The following CUX2 variants were observed in gnomAD, a reference collection of about 807,000 sequenced individuals.
The protein encoded by CUX2 is homeobox protein cut-like 2.
A neutral mutation model predicts 144.8 loss-of-function variants in CUX2; 40 were observed. The ratio of observed to expected loss-of-function variants is 0.28; its 90% CI spans 0.21 to 0.36. The LOEUF (loss-of-function observed/expected upper bound fraction) is 0.36. CUX2 is among the 10% of genes least tolerant of loss of function. CUX2 has a pLI of 1.00. For synonymous variants in CUX2, 827 were observed against 875.6 expected, an observed-to-expected ratio of 0.94 and a Z score of 0.98; for missense variants, 1,615 against 1,994.0, an observed-to-expected ratio of 0.81 and a Z score of 3.62.
chr12:111,156,492 G>A (rs1877383629), intron 1 of CUX2, among the ~76,000 whole-genome samples: 1 of 152,170 alleles, frequency 6.6e-6, no homozygotes, highest in South Asian at 2.1e-4. Flanking sequence ...TGAAGGTGAT[G>A]CTCTAAAGAA....
chr12:111,239,269 G>GA (rs979741086), intron 3 of CUX2, among the ~76,000 whole-genome samples: 1 of 151,238 alleles, frequency 6.6e-6, no homozygotes, highest in Admixed American at 6.6e-5. Context: ...ATGTTTAAAA[G>GA]AAAAAAAAAG....
At chr12:111,151,829 C>T (rs979509337) in intron 1 of CUX2, among the ~76,000 whole-genome samples, 1 of 152,128 alleles carries the variant, frequency 6.6e-6, no homozygotes, top group African/African-American at 2.4e-5. Context: ...TGTTTCCAAG[C>T]GACTACTGAT....
rs1215203214 is a variant in CUX2, at chr12:111,320,549, C to G, written c.2540C>G (p.Pro847Arg). Residue 847 changes from proline (P) to arginine (R), a missense_variant, in exon 17 of 22, where the codon CCC (proline) becomes CGC (arginine). By Grantham distance (103) the Pro-to-Arg change is moderately radical. Around this residue, in one of 12 missense-constraint regions of CUX2, gnomAD observed 390 missense variants for 387.1 expected, o/e 1.01. Coordinates refer to ENST00000261726, the MANE Select transcript of CUX2 (RefSeq NM_015267.4). This position sits in a 1 kb window ranked among gnomAD's most constrained non-coding sequence, Gnocchi z 8.1. ...EAAAGAEDEP[P>R]RTGELKAEGA... The stretch of plus-strand genomic sequence containing the variant: ...GCGGCAGGGGCGGAGGACGAACCCC[C>G]CAGGACGGGCGAGCTCAAGGCTGAG... 6.5e-7 allele frequency: 1 copy of G among 1,540,924 alleles called. No individual in the cohort carries two copies. Among genetic ancestry groups the G allele is most frequent in the South Asian group, 1.2e-5 (1 of 84,322 alleles).
chr12:111,301,012 C>T (rs1490025990), intron 9 of CUX2, among the ~76,000 whole-genome samples: 1 of 145,664 alleles, frequency 6.9e-6, no homozygotes, highest in Non-Finnish European at 1.5e-5. Context: ...GCATTCCAGC[C>T]TGGACAACAG....
intron 3 of CUX2, among the ~76,000 whole-genome samples, chr12:111,252,287 T>G (rs191935937): frequency 1.1e-4 from 17 of 152,336 alleles, no homozygotes; most frequent in African/African-American, 4.1e-4. Context: ...GCCCAGCACC[T>G]TCACTTTACA....
chr12:111,318,212 C>A (rs1347641526), intron 16 of CUX2, among the ~76,000 whole-genome samples: 3 of 150,930 alleles, frequency 2.0e-5, no homozygotes, highest in Non-Finnish European at 4.4e-5. Context: ...TAGGCATACA[C>A]CACCATGCCT....
intron 1 of CUX2, among the ~76,000 whole-genome samples, chr12:111,074,669 G>A (rs867756358): frequency 6.6e-6 from 1 of 152,028 alleles, no homozygotes; most frequent in Non-Finnish European, 1.5e-5. Flanking sequence ...GGAGGGAAGT[G>A]GGGGGTTGTG....
At chr12:111,205,396 G>T (rs1880860256) in intron 1 of CUX2, among the ~76,000 whole-genome samples, 2 of 152,108 alleles carry the variant, frequency 1.3e-5, no homozygotes, top group Admixed American at 6.5e-5. Flanking sequence ...TAGGACATTT[G>T]CTCCCACAAA....
chr12:111,262,182 C>T (rs1884160725), intron 3 of CUX2, among the ~76,000 whole-genome samples: 1 of 152,176 alleles, frequency 6.6e-6, no homozygotes, highest in Non-Finnish European at 1.5e-5. Context: ...CCCCACCGGA[C>T]TGTAAGTCCC....
chr12:111,078,274 C>T (rs1871645363), intron 1 of CUX2, among the ~76,000 whole-genome samples: 1 of 152,006 alleles, frequency 6.6e-6, no homozygotes, highest in Non-Finnish European at 1.5e-5. Flanking sequence ...AGGAGCCAGG[C>T]AGGAAAGAAA....
intron 1 of CUX2, among the ~76,000 whole-genome samples, chr12:111,081,036 G>T (rs531941626): frequency 1.3e-5 from 2 of 152,256 alleles, no homozygotes; most frequent in South Asian, 4.1e-4. Context: ...ATAGCTGTCG[G>T]TACAATGAAT....
chr12:111,179,872 C>G (rs1879066181), intron 1 of CUX2, among the ~76,000 whole-genome samples: 1 of 152,156 alleles, frequency 6.6e-6, no homozygotes, highest in African/African-American at 2.4e-5. Context: ...TTAGTAGAGA[C>G]AGGGTTTCGC....
chr12:111,078,860 G>A (rs184607844), intron 1 of CUX2, among the ~76,000 whole-genome samples: 24 of 152,268 alleles, frequency 1.6e-4, no homozygotes, highest in Non-Finnish European at 3.2e-4. Flanking sequence ...TGGCTTAACT[G>A]GGGGAAGCGG....
rs541489544 is a variant in CUX2, at chr12:111,077,425, C to A, written c.63+43185C>A. On this transcript the variant is annotated intron_variant, in intron 1 of 21. Coordinates refer to ENST00000261726, the MANE Select transcript of CUX2 (RefSeq NM_015267.4). The surrounding 1 kb of genome is among the most constrained non-coding windows in gnomAD (Gnocchi z 4.1). ...CCTGAACCCCCTGGACTTCTGCCCC[C>A]CTGGACTGATGGCCTAAATCCATCA... Among the ~76,000 whole-genome samples, 5 of 152,306 alleles carry A rather than the reference C, an allele frequency of 3.3e-5. No homozygotes were observed. Among genetic ancestry groups the A allele is most frequent in the African/African-American group, 9.6e-5 (4 of 41,568 alleles).
At chr12:111,282,556 G>A (rs1335303359) in intron 4 of CUX2, among the ~76,000 whole-genome samples, 2 of 150,670 alleles carry the variant, frequency 1.3e-5, no homozygotes, top group African/African-American at 4.9e-5. Flanking sequence ...AACCCAAGAG[G>A]CGTAGGTTGC....
chr12:111,120,896 G>T (rs1874613901), intron 1 of CUX2, among the ~76,000 whole-genome samples: 1 of 151,982 alleles, frequency 6.6e-6, no homozygotes, highest in African/African-American at 2.4e-5. Context: ...TGTGCCTCCA[G>T]TAATGAACAA....
At chr12:111,086,457 A>C (rs1229090584) in intron 1 of CUX2, among the ~76,000 whole-genome samples, 1 of 152,228 alleles carries the variant, frequency 6.6e-6, no homozygotes, top group African/African-American at 2.4e-5. Flanking sequence ...TAGGCCTTTC[A>C]TAGTTAATGA....
rs1368684555 is a variant in CUX2, at chr12:111,160,472, G to A, written c.64-53728G>A. Among the ~76,000 whole-genome samples, 3 of 152,178 alleles carry A rather than the reference G, an allele frequency of 2.0e-5. No individual in the cohort carries two copies. The highest frequency in any genetic ancestry group is 4.4e-5 in the Non-Finnish European group (3 of 68,040). On this transcript the variant is annotated intron_variant, in intron 1 of 21. Coordinates refer to ENST00000261726, the MANE Select transcript of CUX2 (RefSeq NM_015267.4). The surrounding 1 kb of genome is among the most constrained non-coding windows in gnomAD (Gnocchi z 4.1). ...CCTTCATCTCTGTGCCTGTGTGTCT[G>A]CATGTGCACACGTGCAGTGTGTCAG...
At chr12:111,075,731 A>G (rs1013027568) in intron 1 of CUX2, among the ~76,000 whole-genome samples, 1 of 152,216 alleles carries the variant, frequency 6.6e-6, no homozygotes, top group African/African-American at 2.4e-5. Flanking sequence ...GATGGAGCTT[A>G]TAAGTCTCAT....
Sources: allele counts gnomAD v4.1 joint callset (sites outside exome capture counted in the v4.1 genomes callset), GRCh38; gene constraint gnomAD v4.1.1; regional missense constraint gnomAD v4.1.1; non-coding constraint Gnocchi (gnomAD v3.1); transcripts MANE v1.5; gene names NCBI Gene and HGNC (gene_info 2026-07-23, HGNC 2026-07-21).